Variants in DGLUCY observed in about 807,000 individuals in gnomAD.
DGLUCY encodes the protein D-glutamate cyclase, also known as D-glutamate cyclase, mitochondrial.
Under a neutral mutation model 58.5 loss-of-function variants are expected in DGLUCY, and 58 were observed. The ratio of observed to expected loss-of-function variants is 0.99; its 90% CI spans 0.80 to 1.23. The LOEUF is 1.23. DGLUCY is among the 50% of genes most tolerant of loss of function. The pLI is 0.00. For missense variants in DGLUCY, 779 were observed against 784.7 expected, an observed-to-expected ratio of 0.99 and a Z score of 0.09; for synonymous variants, 325 against 314.1, an observed-to-expected ratio of 1.03 and a Z score of -0.37.
chr14:91,131,774 T>G (rs2046037179), intron 1 of DGLUCY, among the ~76,000 whole-genome samples: 2 of 152,228 alleles, frequency 1.3e-5, no homozygotes, highest in Admixed American at 1.3e-4. Context: ...TTTTTGTTAC[T>G]GATAATTAGC....
chr14:91,223,545 C>A, intron 13 of DGLUCY: 1 of 538,666 alleles, frequency 1.9e-6, no homozygotes, highest in Non-Finnish European at 2.9e-6. Context: ...GGCTCACTGT[C>A]CTTAGGGGAA....
chr14:91,215,331 C>T (rs1203027781), intron 12 of DGLUCY, 74 bp from the exon 13 acceptor site: 24 of 1,539,574 alleles, frequency 1.6e-5, no homozygotes, highest in Non-Finnish European at 1.8e-5. Context: ...GCAGATAGTT[C>T]TGCTTCCTAG....
intron 4 of DGLUCY, among the ~76,000 whole-genome samples, chr14:91,167,994 G>A (rs1422512283): frequency 6.6e-6 from 1 of 152,172 alleles, no homozygotes; most frequent in African/African-American, 2.4e-5. Context: ...ACTGGGTGCT[G>A]TGGTTCATGC....
intron 1 of DGLUCY, chr14:91,060,966 T>C (rs981558328): frequency 1.3e-5 from 2 of 152,672 alleles, no homozygotes; most frequent in African/African-American, 4.8e-5. Context: ...CCCAGAACGG[T>C]CACACCCCTT....
At chr14:91,061,724 A>G (rs1404534188) in intron 1 of DGLUCY, among the ~76,000 whole-genome samples, 1 of 152,246 alleles carries the variant, frequency 6.6e-6, no homozygotes, top group South Asian at 2.1e-4. Context: ...TGATAAGGTT[A>G]GATGAAAGTA....
intron 11 of DGLUCY, among the ~76,000 whole-genome samples, chr14:91,200,355 A>G (rs1364429160): frequency 1.3e-5 from 2 of 152,192 alleles, no homozygotes; most frequent in Admixed American, 1.3e-4. Flanking sequence ...TACGGTTGGT[A>G]TAGACACTAA....
At position 91,139,706 on chromosome 14, in the gene DGLUCY, A is replaced by G. The variant is rs144594940; in HGVS notation, c.-81-17933A>G. Among the ~76,000 whole-genome samples the G allele has an allele frequency of 6.7e-3, 1,017 of 152,320 alleles. 6 individuals carry two copies. The highest frequency in any genetic ancestry group is 0.014 in the Middle Eastern group (4 of 294). On this transcript the variant is annotated intron_variant, in intron 1 of 13. Transcript: ENST00000256324. ...GTCTCAAAAAAAATGAAGTTTAACC[A>G]AATGTCTGTGCACCCTGTGATACAA...
At chr14:91,193,576 C>T (rs981729165) in intron 9 of DGLUCY, among the ~76,000 whole-genome samples, 1 of 152,208 alleles carries the variant, frequency 6.6e-6, no homozygotes, top group African/African-American at 2.4e-5. Context: ...TGCAGTGGCT[C>T]ACCCCTGTAA....
intron 3 of DGLUCY, among the ~76,000 whole-genome samples, chr14:91,162,591 C>A (rs2048052341): frequency 6.6e-6 from 1 of 152,042 alleles, no homozygotes; most frequent in Admixed American, 6.6e-5. Context: ...CTGCAAAGTT[C>A]ATTTAATTAA....
upstream of DGLUCY, among the ~76,000 whole-genome samples, chr14:91,110,650 C>T (rs573934669): frequency 1.1e-4 from 16 of 151,978 alleles, no homozygotes; most frequent in Non-Finnish European, 2.1e-4. Context: ...AGGCTGGTCT[C>T]GAACTCCTGA....
intron 13 of DGLUCY, among the ~76,000 whole-genome samples, chr14:91,221,130 G>A (rs909826666): frequency 2.0e-5 from 3 of 152,222 alleles, no homozygotes; most frequent in African/African-American, 7.2e-5. Flanking sequence ...CTGCTCCAGG[G>A]CAGGTACTGA....
At chr14:91,202,984 A>G (rs765993354) in intron 11 of DGLUCY, among the ~76,000 whole-genome samples, 18 of 152,208 alleles carry the variant, frequency 1.2e-4, no homozygotes, top group Non-Finnish European at 1.9e-4. Context: ...TCCATGGGCA[A>G]CTGCCATGTC....
At chr14:91,178,058 C>T (rs1170080087) in intron 7 of DGLUCY, among the ~76,000 whole-genome samples, 1 of 152,202 alleles carries the variant, frequency 6.6e-6, no homozygotes, top group Non-Finnish European at 1.5e-5. Flanking sequence ...CTGCTGTGGG[C>T]ACCCCAGCAT....
At chr14:91,193,604 G>T (rs747473346) in intron 9 of DGLUCY, among the ~76,000 whole-genome samples, 1 of 152,170 alleles carries the variant, frequency 6.6e-6, no homozygotes, top group Non-Finnish European at 1.5e-5. Flanking sequence ...ACTTTGGAAG[G>T]CCAAGGCAGG....
intron 11 of DGLUCY, 31 bp from the exon 12 acceptor site, chr14:91,204,675 C>G (rs775683231): frequency 1.9e-5 from 30 of 1,610,768 alleles, no homozygotes; most frequent in Non-Finnish European, 2.5e-5. Context: ...GCCCTGGTCC[C>G]GTGCACTGAC....
Position 91,160,417 on chromosome 14 carries a change from T to TAAAAAAAAAA in DGLUCY, c.103+35_103+44dup, listed in dbSNP as rs34785372. On this transcript the variant is annotated intron_variant, in intron 3 of 13. Coordinates refer to ENST00000256324, the MANE Select transcript of DGLUCY (RefSeq NM_001102368.3). ...CTGGAGGTAAGTGGTGCCAGATAGT[T>TAAAAAAAAAA]AAAAAAAAAAAAAAAAAAAAAAAAG... 1.4e-5 allele frequency: 8 copies of TAAAAAAAAAA among 579,468 alleles called. No individual in the cohort carries two copies. Among genetic ancestry groups the TAAAAAAAAAA allele is most frequent in the African/African-American group, 8.7e-5 (3 of 34,336 alleles). The allele number at this position is 579,468 out of a possible 1,614,324, so 35.9% of individuals were successfully genotyped here.
chr14:91,216,964 C>T (rs541978112), intron 13 of DGLUCY, among the ~76,000 whole-genome samples: 17 of 152,308 alleles, frequency 1.1e-4, no homozygotes, highest in Admixed American at 1.0e-3. Context: ...GCGGGACTGG[C>T]CCTTCCTTCC....
chr14:91,170,292 G>A lies in DGLUCY; in HGVS notation c.456+91G>A, dbSNP rs185637134. 108 of 1,383,544 alleles carry A rather than the reference G, an allele frequency of 7.8e-5. No homozygotes were observed. In the African/African-American group the frequency reaches 8.9e-4, roughly 11 times the overall value. The allele number at this position is 1,383,544 out of a possible 1,614,324, so 85.7% of individuals were successfully genotyped here. On this transcript the variant is annotated intron_variant, in intron 5 of 13. Transcript: ENST00000256324. Reference sequence around the variant, plus strand: ...CCTGGGGTGGGGAGAACATGGGCACGGGAGGTGGAAAACCTAAGCTCCAGC... The same window carrying A: ...CCTGGGGTGGGGAGAACATGGGCACAGGAGGTGGAAAACCTAAGCTCCAGC...
intron 1 of DGLUCY, among the ~76,000 whole-genome samples, chr14:91,118,079 C>T (rs1251044957): frequency 7.1e-5 from 1 of 14,184 alleles, no homozygotes; most frequent in African/African-American, 3.0e-4. Flanking sequence ...CTCCCCGCCC[C>T]CCCCCCCCCT....
Sources: allele counts gnomAD v4.1 joint callset (sites outside exome capture counted in the v4.1 genomes callset), GRCh38; gene constraint gnomAD v4.1.1; transcripts MANE v1.5; gene names NCBI Gene and HGNC (gene_info 2026-07-23, HGNC 2026-07-21).